YES1: variants seen among roughly 807,000 people sequenced by gnomAD.
YES1 encodes YES proto-oncogene 1, Src family tyrosine kinase.
In YES1, 39 loss-of-function variants were observed where a neutral mutation model predicts 70.4. The observed-to-expected ratio is 0.55, with a 90% confidence interval of 0.43 to 0.72. The LOEUF (loss-of-function observed/expected upper bound fraction) is 0.72, where lower values mean the gene tolerates loss of function less well. Among genes scored for constraint, YES1 ranks in the 30% least tolerant of loss-of-function variants. The probability of loss-of-function intolerance (pLI) is 0.00; values close to 1 mark genes in which losing one functional copy is unlikely to be tolerated. For missense variants in YES1, 495 were observed against 644.8 expected (o/e 0.77, Z 2.52); for synonymous variants, 198 against 218.6 (o/e 0.91, Z 0.83).
At chr18:744,689 C>CA (rs2080257619) in intron 6 of YES1, among the ~76,000 whole-genome samples, 4 of 56,862 alleles carry the variant, frequency 7.0e-5, no homozygotes. Context: ...CACGCCTGGC[C>CA]TTTTTTTTTT....
At chr18:765,696 C>T (rs1006980080) in intron 1 of YES1, among the ~76,000 whole-genome samples, 2 of 152,102 alleles carry the variant, frequency 1.3e-5, no homozygotes, top group African/African-American at 4.8e-5. Context: ...CCGCACCCGG[C>T]CAATTTAACA....
At chr18:788,684 C>G (rs1176240746) in intron 1 of YES1, among the ~76,000 whole-genome samples, 1 of 152,156 alleles carries the variant, frequency 6.6e-6, no homozygotes, top group African/African-American at 2.4e-5. Context: ...CTTTGGGAGG[C>G]CAAGGTGGAT....
intron 11 of YES1, among the ~76,000 whole-genome samples, chr18:729,460 T>C (rs908630845): frequency 6.7e-6 from 1 of 148,822 alleles, no homozygotes; most frequent in East Asian, 1.9e-4. Flanking sequence ...ATTTGATTCT[T>C]TTTTTTTTAA....
rs140628520 is a variant in YES1 at position 766,135 on chromosome 18, T to C, written c.-8-9300A>G. Reference sequence around the variant, plus strand: ...GTGATTTTGTTGATCCTTCTTACGTTTGCCAAGTCCTTCAGGGGAGGCTCA... The same window carrying C: ...GTGATTTTGTTGATCCTTCTTACGTCTGCCAAGTCCTTCAGGGGAGGCTCA... On this transcript the variant is annotated intron_variant, in intron 1 of 11. Transcript: ENST00000314574. Among the ~76,000 whole-genome samples the C allele has an allele frequency of 5.3e-5, 8 of 152,292 alleles. No individual in the cohort carries two copies. The East Asian group carries it at 5.8e-4, about 11-fold the overall frequency.
chr18:743,983 T>C (rs1048108855), intron 6 of YES1, among the ~76,000 whole-genome samples: 1 of 148,932 alleles, frequency 6.7e-6, no homozygotes, highest in African/African-American at 2.4e-5. Context: ...ATAGTAAATA[T>C]ATTGTATTTA....
chr18:766,302 GA>G (rs1477659354), intron 1 of YES1, among the ~76,000 whole-genome samples: 1 of 152,056 alleles, frequency 6.6e-6, no homozygotes, highest in Non-Finnish European at 1.5e-5. Context: ...ATACAAGACA[GA>G]AATATTCTAT....
At chr18:788,309 A>C (rs1435335014) in intron 1 of YES1, among the ~76,000 whole-genome samples, 1 of 152,192 alleles carries the variant, frequency 6.6e-6, no homozygotes, top group African/African-American at 2.4e-5. Context: ...CTATAAAATG[A>C]TCATTTATAT....
At chr18:803,023 G>T (rs1186439765) in intron 1 of YES1, among the ~76,000 whole-genome samples, 1 of 151,916 alleles carries the variant, frequency 6.6e-6, no homozygotes, top group Non-Finnish European at 1.5e-5. Flanking sequence ...AGCCTAGGGG[G>T]TTTAAGATCA....
rs972941201 is a variant in YES1 at position 812,106 on chromosome 18, G to C, written c.-9+8C>G. The stretch of plus-strand genomic sequence containing the variant: ...CCCTCCGCCCGCGGGGCCCCACCGG[G>C]TCCTTACCTGTCCTCCGGCCGCGCT... On this transcript the variant is annotated splice_region_variant and intron_variant, in intron 1 of 11. Transcript: ENST00000314574. 1 of 152,798 alleles carries C rather than the reference G, an allele frequency of 6.5e-6. No homozygotes were observed. The highest frequency in any genetic ancestry group is 2.4e-5 in the African/African-American group (1 of 41,346). 9.5% of individuals were successfully genotyped at this position (152,798 alleles called of 1,614,324 possible). A position where few individuals can be genotyped will look rare whatever the true frequency, so the allele number is the denominator to read the frequency against.
intron 1 of YES1, among the ~76,000 whole-genome samples, chr18:802,151 G>A (rs1044383597): frequency 6.6e-6 from 1 of 152,172 alleles, no homozygotes; most frequent in African/African-American, 2.4e-5. Flanking sequence ...AGTCTTAGCT[G>A]CTCAGGAGGA....
At chr18:747,570 GT>G (rs1404124238) in intron 4 of YES1, among the ~76,000 whole-genome samples, 2 of 152,146 alleles carry the variant, frequency 1.3e-5, no homozygotes, top group African/African-American at 4.8e-5. Flanking sequence ...TAAGCTGTAA[GT>G]TAAAAAATAA....
chr18:756,653 T>C lies in YES1; in HGVS notation c.175A>G (p.Met59Val), dbSNP rs200594254. 1.8e-4 allele frequency: 286 copies of C among 1,614,062 alleles called. No individual in the cohort carries two copies. Among genetic ancestry groups the C allele is most frequent in the Middle Eastern group, 1.6e-4 (1 of 6,084 alleles). ...GTAVNFSSLS[M>V]TPFGGSSGVT... ...CCTGAGGATCCTCCAAATGGTGTCA[T>C]GGAAAGACTGCTGAAATTAACTGCT... Residue 59 changes from methionine (M) to valine (V), a missense_variant, in exon 2 of 12, where the codon ATG becomes GTG. Transcript: ENST00000314574.
chr18:724,699 C>T, intron 11 of YES1, 67 bp from the exon 12 acceptor site: 2 of 1,239,398 alleles, frequency 1.6e-6, no homozygotes, highest in Non-Finnish European at 2.4e-6. Flanking sequence ...CATAACAAAC[C>T]CCCTAGCCAC....
intron 11 of YES1, among the ~76,000 whole-genome samples, chr18:725,150 G>A (rs895848943): frequency 2.6e-5 from 4 of 152,070 alleles, no homozygotes; most frequent in African/African-American, 9.7e-5. Flanking sequence ...ATTACACATA[G>A]TTCCTTTCTT....
At chr18:763,864 G>A in intron 1 of YES1, among the ~76,000 whole-genome samples, 1 of 152,058 alleles carries the variant, frequency 6.6e-6, no homozygotes, top group Middle Eastern at 3.2e-3. Flanking sequence ...GCTCACATCT[G>A]TAATCCCAGC....
intron 1 of YES1, among the ~76,000 whole-genome samples, chr18:787,285 A>G (rs1189481936): frequency 6.6e-6 from 1 of 150,818 alleles, no homozygotes; most frequent in Non-Finnish European, 1.5e-5. Flanking sequence ...TTTTTAGTAG[A>G]GATAGGTTTC....
At chr18:769,031 C>A (rs1481632120) in intron 1 of YES1, among the ~76,000 whole-genome samples, 1 of 151,380 alleles carries the variant, frequency 6.6e-6, no homozygotes, top group South Asian at 2.1e-4. Flanking sequence ...CAAATACTTA[C>A]CATTGTGTTA....
At chr18:774,978 T>C (rs771664163) in intron 1 of YES1, 1 of 152,224 alleles carries the variant, frequency 6.6e-6, no homozygotes, top group Non-Finnish European at 1.5e-5. Flanking sequence ...TCCCAGCTTA[T>C]TGTATGTATG....
rs545113287 is a variant in YES1, at chr18:743,914, A to T, written c.725-499T>A. On this transcript the variant is annotated intron_variant, in intron 6 of 11. Transcript: ENST00000314574. ...CAGTGAGATTCTGACTCGAAAAAAAAAAAAATATATATATATATACATGTT... is the reference window on the plus strand; with the variant it reads ...CAGTGAGATTCTGACTCGAAAAAAATAAAAATATATATATATATACATGTT... Among the ~76,000 whole-genome samples, 469 of 145,970 alleles carry T rather than the reference A, an allele frequency of 3.2e-3. 4 individuals are homozygous for T. Among genetic ancestry groups the T allele is most frequent in the South Asian group, 1.0e-2 (47 of 4,712 alleles).
Sources: allele counts gnomAD v4.1 joint callset (sites outside exome capture counted in the v4.1 genomes callset), GRCh38; gene constraint gnomAD v4.1.1; transcripts MANE v1.5; gene names NCBI Gene and HGNC (gene_info 2026-07-23, HGNC 2026-07-21).